The following PRKG1 variants were observed in gnomAD, a reference collection of about 807,000 sequenced individuals.
PRKG1 encodes the protein cGMP-dependent protein kinase 1.
Under a neutral mutation model 88.1 loss-of-function variants are expected in PRKG1, and 35 were observed. That is an observed-to-expected ratio of 0.40 (90% confidence interval 0.30 to 0.53). The LOEUF is 0.53. Ranked by LOEUF, PRKG1 falls within the 20% of genes least tolerant of loss-of-function variation. The pLI is 0.59. For missense variants in PRKG1, 540 were observed against 839.8 expected (o/e 0.64, Z 4.41); for synonymous variants, 303 against 292.5 (o/e 1.04, Z -0.37).
At chr10:51,963,386 T>C (rs1843492332) in intron 5 of PRKG1, among the ~76,000 whole-genome samples, 1 of 152,206 alleles carries the variant, frequency 6.6e-6, no homozygotes, top group Admixed American at 6.5e-5. Context: ...TGTGTTTTTA[T>C]ATTACTGTGA....
chr10:52,271,598 AACT>A, intron 11 of PRKG1, 109 bp downstream of exon 11: 2 of 1,164,300 alleles, frequency 1.7e-6, no homozygotes, highest in Non-Finnish European at 2.3e-6. Context: ...TGCACAAAGA[AACT>A]TCTTTTTAAT....
intron 2 of PRKG1, among the ~76,000 whole-genome samples, chr10:51,217,341 C>T (rs1838398487): frequency 6.6e-6 from 1 of 152,064 alleles, no homozygotes; most frequent in African/African-American, 2.4e-5. Context: ...TTAGCCGTGT[C>T]TAAATGGTTT....
intron 5 of PRKG1, among the ~76,000 whole-genome samples, chr10:52,029,974 A>T (rs554026204): frequency 2.0e-5 from 3 of 152,288 alleles, no homozygotes; most frequent in Admixed American, 6.5e-5. Flanking sequence ...CCATGCAATC[A>T]TTCAAAAAAT....
chr10:51,157,339 T>A (rs1038101024), intron 2 of PRKG1, among the ~76,000 whole-genome samples: 4 of 151,964 alleles, frequency 2.6e-5, no homozygotes, highest in African/African-American at 9.7e-5. Context: ...GTAGTGTAAG[T>A]AGATTATATT....
At chr10:51,201,384 G>A (rs901733235) in intron 2 of PRKG1, among the ~76,000 whole-genome samples, 20 of 152,230 alleles carry the variant, frequency 1.3e-4, no homozygotes, top group Non-Finnish European at 2.2e-4. Context: ...CCTGGGTGGC[G>A]GAGGTTGCAG....
intron 2 of PRKG1, among the ~76,000 whole-genome samples, chr10:51,262,206 A>C (rs907378783): frequency 5.3e-5 from 8 of 152,260 alleles, no homozygotes; most frequent in Admixed American, 3.3e-4. Context: ...AATTTTTTAA[A>C]AGGAAATATA....
At position 52,282,121 on chromosome 10, in the gene PRKG1, G is replaced by A. The variant is rs766605199; in HGVS notation, c.1546-32G>A. ...TTACTTTAAAACTTAATCATAAGGA[G>A]CTTAAGTATCTTGTTTTTCTCTCTT... On this transcript the variant is annotated intron_variant, in intron 13 of 17. Transcript: ENST00000373980. The A allele has an allele frequency of 1.6e-5, 25 of 1,544,828 alleles. 1 individual carries two copies. The highest frequency in any genetic ancestry group is 1.7e-4 in the Middle Eastern group (1 of 5,736).
intron 2 of PRKG1, among the ~76,000 whole-genome samples, chr10:51,163,516 A>G (rs1327436006): frequency 2.0e-5 from 3 of 152,114 alleles, no homozygotes; most frequent in African/African-American, 7.2e-5. Flanking sequence ...TCATCTCACT[A>G]GGGAGTGCCA....
At position 52,178,205 on chromosome 10, in the gene PRKG1, C is replaced by G. The variant is rs61847302; in HGVS notation, c.1076+16242C>G. Among the ~76,000 whole-genome samples the G allele has an allele frequency of 6.2e-3, 937 of 151,982 alleles. 4 individuals carry two copies. Among genetic ancestry groups the G allele is most frequent in the Non-Finnish European group, 8.5e-3 (580 of 67,894 alleles). The stretch of plus-strand genomic sequence containing the variant: ...CCATAAGTTTGGTTATGTTGCATTT[C>G]TATTTTCATATGTTTTAAGAAATTT... On this transcript the variant is annotated intron_variant, in intron 9 of 17. Coordinates refer to ENST00000373980, the MANE Select transcript of PRKG1 (RefSeq NM_006258.4).
intron 3 of PRKG1, among the ~76,000 whole-genome samples, chr10:51,539,961 T>G (rs752087687): frequency 6.6e-6 from 1 of 152,230 alleles, no homozygotes; most frequent in Non-Finnish European, 1.5e-5. Context: ...TCACTAAAAT[T>G]GCTTTATTTC....
chr10:52,122,710 C>T (rs1025529066), intron 7 of PRKG1, among the ~76,000 whole-genome samples: 5 of 152,072 alleles, frequency 3.3e-5, no homozygotes, highest in Admixed American at 6.5e-5. Flanking sequence ...GAGTAAATAC[C>T]ATTTGTACCC....
At chr10:51,548,188 C>T (rs1391035569) in intron 3 of PRKG1, among the ~76,000 whole-genome samples, 3 of 152,054 alleles carry the variant, frequency 2.0e-5, no homozygotes, top group Non-Finnish European at 4.4e-5. Context: ...AGTATTTTCT[C>T]TATTGTCCCC....
chr10:51,485,542 A>T (rs1274434673), intron 3 of PRKG1, among the ~76,000 whole-genome samples: 1 of 152,198 alleles, frequency 6.6e-6, no homozygotes, highest in East Asian at 1.9e-4. Flanking sequence ...ATGAAGAAAG[A>T]CAGCCCACAT....
intron 3 of PRKG1, among the ~76,000 whole-genome samples, chr10:51,602,354 A>T (rs1838628343): frequency 6.6e-6 from 1 of 152,160 alleles, no homozygotes. Context: ...TGAGTTATTT[A>T]CCATAACCTT....
intron 3 of PRKG1, among the ~76,000 whole-genome samples, chr10:51,570,294 G>C (rs1837718707): frequency 6.6e-6 from 1 of 151,424 alleles, no homozygotes; most frequent in Non-Finnish European, 1.5e-5. Flanking sequence ...CCTATGACAG[G>C]AAAATTCAAT....
At chr10:51,904,332 G>C (rs549641181) in intron 4 of PRKG1, among the ~76,000 whole-genome samples, 3 of 152,090 alleles carry the variant, frequency 2.0e-5, no homozygotes, top group African/African-American at 7.2e-5. Flanking sequence ...TTTTCTAAAG[G>C]ATAGAAAACT....
At chr10:52,223,343 G>T (rs1051884038) in intron 9 of PRKG1, among the ~76,000 whole-genome samples, 1 of 152,014 alleles carries the variant, frequency 6.6e-6, no homozygotes, top group Non-Finnish European at 1.5e-5. Context: ...TGAACTATCT[G>T]TAATTATTGA....
At chr10:52,081,055 T>C (rs557549373) in intron 7 of PRKG1, among the ~76,000 whole-genome samples, 17 of 152,350 alleles carry the variant, frequency 1.1e-4, no homozygotes, top group African/African-American at 3.4e-4. Context: ...TAGGTGTTGC[T>C]GCTGAGCACC....
At position 51,741,970 on chromosome 10, in the gene PRKG1, C is replaced by T. The variant is rs566036396; in HGVS notation, c.593-62615C>T. Among the ~76,000 whole-genome samples the T allele has an allele frequency of 2.6e-5, 4 of 152,310 alleles. No individual in the cohort carries two copies. The South Asian group carries it at 8.3e-4, about 32-fold the overall frequency. ...TGTTCTGTGTTTAATAAACATGTCT[C>T]CCTAAAGTTATAAGTAGACTGGCTT... On this transcript the variant is annotated intron_variant, in intron 3 of 17. Transcript: ENST00000373980.
Sources: gnomAD v4.1 joint callset for allele counts (sites outside exome capture counted in the v4.1 genomes callset) on GRCh38, gnomAD v4.1.1 for gene constraint, MANE v1.5 for transcripts, NCBI Gene and HGNC (gene_info 2026-07-23, HGNC 2026-07-21) for gene names.